Variants in SLC4A4 observed in about 807,000 individuals in gnomAD.
SLC4A4 encodes the protein solute carrier family 4 member 4.
A neutral mutation model predicts 111.5 loss-of-function variants in SLC4A4; 27 were observed. That is an observed-to-expected ratio of 0.24 (90% CI 0.18 to 0.33). SLC4A4 has a LOEUF of 0.33. Ranked by LOEUF, SLC4A4 falls within the 10% of genes least tolerant of loss-of-function variation. The pLI is 1.00. For missense variants in SLC4A4, 909 were observed against 1,315.5 expected (o/e 0.69, Z 4.78); for synonymous variants, 443 against 463.4 (o/e 0.96, Z 0.57).
intron 2 of SLC4A4, among the ~76,000 whole-genome samples, chr4:71,131,181 A>G (rs977487614): frequency 2.6e-5 from 4 of 152,150 alleles, no homozygotes; most frequent in Non-Finnish European, 4.4e-5. Context: ...ATCTCATACT[A>G]GTTTGGCATC....
At chr4:71,365,050 T>C (rs1413998944) in intron 6 of SLC4A4, among the ~76,000 whole-genome samples, 1 of 152,232 alleles carries the variant, frequency 6.6e-6, no homozygotes, top group Admixed American at 6.5e-5. Flanking sequence ...TTGATCATTA[T>C]GTCTAAGTAA....
At chr4:71,318,984 G>T (rs531372284) in intron 3 of SLC4A4, among the ~76,000 whole-genome samples, 1 of 151,880 alleles carries the variant, frequency 6.6e-6, no homozygotes, top group Non-Finnish European at 1.5e-5. Flanking sequence ...ATCTTAATAT[G>T]TGTGTGTTTT....
rs536137717 is a variant in SLC4A4, at chr4:71,239,956, C to T, written c.73+3307C>T. On this transcript the variant is annotated intron_variant, in intron 2 of 25. Coordinates refer to ENST00000264485, the MANE Select transcript of SLC4A4 (RefSeq NM_001098484.3). The stretch of plus-strand genomic sequence containing the variant: ...CCCAGCTCCCACCCAGGCCCTTCCA[C>T]GCTTCCACAGAATTGGTCTGTAGAT... 2.6e-5 allele frequency among the ~76,000 whole-genome samples: 4 copies of T among 152,266 alleles called. 1 individual carries two copies. Among genetic ancestry groups the T allele is most frequent in the African/African-American group, 9.6e-5 (4 of 41,550 alleles).
intron 6 of SLC4A4, among the ~76,000 whole-genome samples, chr4:71,367,076 A>G (rs549322089): frequency 6.6e-5 from 10 of 152,296 alleles, no homozygotes; most frequent in Middle Eastern, 3.4e-3. Context: ...TGTCCCCTTG[A>G]TGGTGAGGCT....
At chr4:71,210,506 A>G (rs1207949483) in intron 1 of SLC4A4, among the ~76,000 whole-genome samples, 2 of 152,200 alleles carry the variant, frequency 1.3e-5, no homozygotes, top group Non-Finnish European at 2.9e-5. Context: ...AATCTTTGGT[A>G]ATTTTTCAGG....
chr4:71,062,684 CAGAAGATATA>C (rs953696032), exon 1 of SLC4A4, among the ~76,000 whole-genome samples: 2 of 152,142 alleles, frequency 1.3e-5, no homozygotes, highest in Non-Finnish European at 2.9e-5. Flanking sequence ...GTGCATCATT[CAGAAGATATA>C]AGAAGCTTAG....
intron 7 of SLC4A4, among the ~76,000 whole-genome samples, chr4:71,422,080 A>G (rs1267407222): frequency 6.7e-6 from 1 of 149,592 alleles, no homozygotes; most frequent in Non-Finnish European, 1.5e-5. Flanking sequence ...CAAAATTGAT[A>G]GACCGCTAGC....
At chr4:71,117,992 T>A (rs1743318387) in intron 2 of SLC4A4, among the ~76,000 whole-genome samples, 1 of 151,898 alleles carries the variant, frequency 6.6e-6, no homozygotes, top group African/African-American at 2.4e-5. Context: ...TTCTCCTGCC[T>A]CAGCCTCCCA....
Position 71,567,799 on chromosome 4 carries a change from C to T in SLC4A4, c.*48C>T. On this transcript the variant is annotated 3_prime_UTR_variant, in exon 26 of 26. Transcript: ENST00000264485. ...TCCTTTTTCTCTAGTCCTCCTAGAA[C>T]TCCAGTAAAAGTTGTGCCTCAAATT... The T allele has an allele frequency of 6.6e-7, 1 of 1,509,314 alleles. No homozygotes were observed. Among genetic ancestry groups the T allele is most frequent in the Non-Finnish European group, 9.0e-7 (1 of 1,117,188 alleles). The allele number at this position is 1,509,314 out of a possible 1,614,324, so 93.5% of individuals were successfully genotyped here.
intron 2 of SLC4A4, among the ~76,000 whole-genome samples, chr4:71,160,169 A>C (rs1744581538): frequency 6.6e-6 from 1 of 151,262 alleles, no homozygotes; most frequent in South Asian, 2.1e-4. Flanking sequence ...GCAGCTGGTA[A>C]ATGAATGTGC....
intron 2 of SLC4A4, among the ~76,000 whole-genome samples, chr4:71,176,274 C>A (rs969947949): frequency 2.6e-5 from 4 of 152,190 alleles, no homozygotes; most frequent in Non-Finnish European, 5.9e-5. Flanking sequence ...CAGAGTGCCT[C>A]TCCTCCTCCA....
rs1022708355 is a variant in SLC4A4 at position 71,463,730 on chromosome 4, G to T, written c.1498-2714G>T. 2.6e-5 allele frequency among the ~76,000 whole-genome samples: 4 copies of T among 152,236 alleles called. No homozygotes were observed. The South Asian group carries it at 6.2e-4, about 24-fold the overall frequency. ...ATAAGTGGAACCTAGAGTGTCATTT[G>T]GGTCTTGCTTCTTGGTTCCTTTAAC... On this transcript the variant is annotated intron_variant, in intron 12 of 25. Coordinates refer to ENST00000264485, the MANE Select transcript of SLC4A4 (RefSeq NM_001098484.3).
chr4:71,362,729 G>T (rs1416681658), intron 6 of SLC4A4, among the ~76,000 whole-genome samples: 1 of 151,880 alleles, frequency 6.6e-6, no homozygotes, highest in Non-Finnish European at 1.5e-5. Flanking sequence ...TTGCTAAATG[G>T]GTGTCAGGGG....
chr4:71,119,218 C>A (rs74482906), intron 2 of SLC4A4, among the ~76,000 whole-genome samples: 4,239 of 152,182 alleles, frequency 0.028, 76 homozygotes, highest in Middle Eastern at 0.058. Context: ...ATAAAGTTGC[C>A]CTAAAACATA....
intron 14 of SLC4A4, among the ~76,000 whole-genome samples, chr4:71,484,743 T>C (rs1197507903): frequency 6.6e-6 from 1 of 151,868 alleles, no homozygotes; most frequent in Non-Finnish European, 1.5e-5. Flanking sequence ...TGAATTACTT[T>C]GGGCATTATG....
At chr4:71,390,738 A>T (rs977379809) in intron 6 of SLC4A4, among the ~76,000 whole-genome samples, 1 of 152,150 alleles carries the variant, frequency 6.6e-6, no homozygotes, top group African/African-American at 2.4e-5. Flanking sequence ...TTTATTAGCC[A>T]TGATGAAGTT....
chr4:71,272,371 A>G (rs1722760014), intron 3 of SLC4A4, among the ~76,000 whole-genome samples: 1 of 152,058 alleles, frequency 6.6e-6, no homozygotes, highest in Admixed American at 6.6e-5. Context: ...ACTTATTTCC[A>G]TTTTGTAGAT....
At chr4:71,257,871 G>A (rs937418978) in intron 3 of SLC4A4, among the ~76,000 whole-genome samples, 1 of 152,124 alleles carries the variant, frequency 6.6e-6, no homozygotes, top group Non-Finnish European at 1.5e-5. Flanking sequence ...ACCCTCATAT[G>A]CAATCCTTCA....
intron 14 of SLC4A4, among the ~76,000 whole-genome samples, chr4:71,478,869 TGA>T (rs1196694212): frequency 6.6e-6 from 1 of 151,808 alleles, no homozygotes; most frequent in Non-Finnish European, 1.5e-5. Flanking sequence ...TGAACAAAAG[TGA>T]GAGTTTCATT....
Sources: allele counts gnomAD v4.1 joint callset (sites outside exome capture counted in the v4.1 genomes callset), GRCh38; gene constraint gnomAD v4.1.1; transcripts MANE v1.5; gene names NCBI Gene and HGNC (gene_info 2026-07-23, HGNC 2026-07-21).